TENM2: variants seen among roughly 807,000 people sequenced by gnomAD.
TENM2 encodes the protein teneurin-2.
A neutral mutation model predicts 245.2 loss-of-function variants in TENM2; 52 were observed. The ratio of observed to expected loss-of-function variants is 0.21; its 90% CI spans 0.17 to 0.27. The LOEUF is 0.27. TENM2 is among the 10% of genes least tolerant of loss of function. TENM2 has a pLI of 1.00. For synonymous variants in TENM2, 1,363 were observed against 1,438.9 expected (o/e 0.95, Z 1.19); for missense variants, 3,046 against 3,666.8 (o/e 0.83, Z 4.37).
At chr5:167,021,688 G>GA in the TENM2 span, among the ~76,000 whole-genome samples, 1 of 152,158 alleles carries the variant, frequency 6.6e-6, no homozygotes, top group Admixed American at 6.5e-5. Flanking sequence ...AAAACTGATG[G>GA]ATGTTGCCTA....
intron 19 of TENM2, among the ~76,000 whole-genome samples, chr5:168,206,323 G>A (rs1762341862): frequency 6.6e-6 from 1 of 152,250 alleles, no homozygotes; most frequent in Non-Finnish European, 1.5e-5. Context: ...ACCCTGAGGA[G>A]GCTGCAGCCT....
intron 2 of TENM2, among the ~76,000 whole-genome samples, chr5:167,782,096 C>A (rs1452403797): frequency 2.0e-5 from 3 of 151,848 alleles, no homozygotes; most frequent in Admixed American, 2.0e-4. Flanking sequence ...GGTGAATCAC[C>A]TGAGGTTGGG....
intron 3 of TENM2, among the ~76,000 whole-genome samples, chr5:167,921,678 G>C (rs1375108173): frequency 6.6e-6 from 1 of 152,146 alleles, no homozygotes; most frequent in Non-Finnish European, 1.5e-5. Context: ...GAAGAGAGAA[G>C]TTCTTAATGT....
intron 2 of TENM2, among the ~76,000 whole-genome samples, chr5:167,387,201 T>C (rs1761485137): frequency 6.6e-6 from 1 of 152,102 alleles, no homozygotes; most frequent in Non-Finnish European, 1.5e-5. Context: ...TTTTGTAGTT[T>C]TCCTTGTAGA....
chr5:167,848,512 C>G (rs1172628897), intron 2 of TENM2, among the ~76,000 whole-genome samples: 2 of 152,118 alleles, frequency 1.3e-5, no homozygotes, highest in Non-Finnish European at 2.9e-5. Flanking sequence ...TATCTATATG[C>G]CAAATGAGGC....
At chr5:167,044,325 A>G in the TENM2 span, among the ~76,000 whole-genome samples, 1 of 152,188 alleles carries the variant, frequency 6.6e-6, no homozygotes. Flanking sequence ...ATCTTGACTT[A>G]TATGAATGGT....
At chr5:167,733,185 T>C (rs1405534121) in intron 2 of TENM2, among the ~76,000 whole-genome samples, 2 of 152,126 alleles carry the variant, frequency 1.3e-5, no homozygotes, top group Non-Finnish European at 2.9e-5. Flanking sequence ...CCCCTTCCCT[T>C]CTGTAACATC....
intron 2 of TENM2, among the ~76,000 whole-genome samples, chr5:167,676,381 TC>T (rs1356010309): frequency 6.6e-6 from 1 of 152,074 alleles, no homozygotes; most frequent in African/African-American, 2.4e-5. Flanking sequence ...AAGATGTGGT[TC>T]CCGGTTTAAT....
chr5:167,613,042 G>C (rs1351705306), intron 2 of TENM2, among the ~76,000 whole-genome samples: 1 of 152,114 alleles, frequency 6.6e-6, no homozygotes, highest in Non-Finnish European at 1.5e-5. Context: ...AGTCAGATCT[G>C]ACTATAAAAA....
chr5:167,454,902 A>G (rs1029655583), intron 2 of TENM2, among the ~76,000 whole-genome samples: 1 of 152,174 alleles, frequency 6.6e-6, no homozygotes, highest in Non-Finnish European at 1.5e-5. Context: ...CTCCCAAATG[A>G]TGTTGACTAA....
chr5:168,153,674 G>A (rs1037592825), intron 12 of TENM2, among the ~76,000 whole-genome samples: 2 of 152,204 alleles, frequency 1.3e-5, no homozygotes, highest in African/African-American at 2.4e-5. Context: ...GACTTAATCC[G>A]AAAGCAGAGG....
chr5:167,002,518 G>A, the TENM2 span, among the ~76,000 whole-genome samples: 1 of 151,868 alleles, frequency 6.6e-6, no homozygotes, highest in Non-Finnish European at 1.5e-5. Context: ...AATAATTAAT[G>A]AATAGCCCGG....
chr5:168,175,728 G>A (rs1436269300), intron 13 of TENM2, among the ~76,000 whole-genome samples: 1 of 152,114 alleles, frequency 6.6e-6, no homozygotes, highest in Non-Finnish European at 1.5e-5. Flanking sequence ...GGTGTCTGGG[G>A]TTATGCTGGA....
chr5:168,070,585 G>T (rs374528525), intron 7 of TENM2, among the ~76,000 whole-genome samples: 1 of 147,054 alleles, frequency 6.8e-6, no homozygotes, highest in Non-Finnish European at 1.5e-5. Flanking sequence ...TATCAAGACC[G>T]CCCTGGACAG....
chr5:167,707,899 G>A (rs1363385925), intron 2 of TENM2, among the ~76,000 whole-genome samples: 1 of 152,152 alleles, frequency 6.6e-6, no homozygotes, highest in Non-Finnish European at 1.5e-5. Flanking sequence ...AAGAATGGTG[G>A]CCAGAGGCAT....
chr5:167,976,268 A>G (rs1782439330), intron 4 of TENM2, among the ~76,000 whole-genome samples: 1 of 152,184 alleles, frequency 6.6e-6, no homozygotes, highest in South Asian at 2.1e-4. Context: ...TGATCTAGAA[A>G]CAGAGAGAAA....
chr5:167,108,184 G>A, the TENM2 span, among the ~76,000 whole-genome samples: 1 of 151,576 alleles, frequency 6.6e-6, no homozygotes, highest in Non-Finnish European at 1.5e-5. Flanking sequence ...GGAGTGCAGT[G>A]GTGCAATCTC....
rs374096254 is a variant in TENM2 at position 168,211,716 on chromosome 5, T to C, written c.3825-18T>C. 1.7e-4 allele frequency: 216 copies of C among 1,288,518 alleles called. No individual in the cohort carries two copies. In the African/African-American group the frequency reaches 3.0e-3, roughly 18 times the overall value. The allele number at this position is 1,288,518 out of a possible 1,614,324, so 79.8% of individuals were successfully genotyped here. ...TAACTGTTTGTTCTTTTTTCCTTTC[T>C]GTTTTCTTTCTATAAAGAAATAAAG... On this transcript the variant is annotated intron_variant, in intron 19 of 28. Transcript: ENST00000518659.
chr5:167,731,997 A>G lies in TENM2; in HGVS notation c.503-143989A>G, dbSNP rs573971564. 1.8e-4 allele frequency among the ~76,000 whole-genome samples: 27 copies of G among 152,334 alleles called. No homozygotes were observed. In the East Asian group the frequency reaches 5.0e-3, roughly 28 times the overall value. ...TGAGCAAATCAAGATTAAACAGTATATAATTGCGGGCTTTAATCCCTTGGA... is the reference window on the plus strand; with the variant it reads ...TGAGCAAATCAAGATTAAACAGTATGTAATTGCGGGCTTTAATCCCTTGGA... On this transcript the variant is annotated intron_variant, in intron 2 of 28. Transcript: ENST00000518659.
Sources: allele counts gnomAD v4.1 joint callset (sites outside exome capture counted in the v4.1 genomes callset), GRCh38; gene constraint gnomAD v4.1.1; transcripts MANE v1.5; gene names NCBI Gene and HGNC (gene_info 2026-07-23, HGNC 2026-07-21).